STK32B: variants seen among roughly 807,000 people sequenced by gnomAD.
The protein encoded by STK32B is serine/threonine-protein kinase 32B.
STK32B carries 43 observed loss-of-function variants against 52.6 expected under a neutral mutation model. The observed-to-expected ratio is 0.82, with a 90% CI of 0.64 to 1.05. The LOEUF (loss-of-function observed/expected upper bound fraction) is 1.05, where lower values mean the gene tolerates loss of function less well. STK32B is among the 50% of genes least tolerant of loss of function. STK32B has a pLI of 0.00. For synonymous variants in STK32B, 238 were observed against 204.3 expected, an observed-to-expected ratio of 1.17 and a Z score of -1.41; for missense variants, 621 against 534.6, an observed-to-expected ratio of 1.16 and a Z score of -1.59.
At chr4:5,341,944 C>A (rs1356886726) in intron 4 of STK32B, among the ~76,000 whole-genome samples, 1 of 152,096 alleles carries the variant, frequency 6.6e-6, no homozygotes, top group Non-Finnish European at 1.5e-5. Flanking sequence ...GTGCTGCATC[C>A]ATTAACTCAT....
intron 11 of STK32B, among the ~76,000 whole-genome samples, chr4:5,478,521 G>C (rs1718410535): frequency 6.6e-6 from 1 of 152,124 alleles, no homozygotes; most frequent in Non-Finnish European, 1.5e-5. Context: ...TTGCCTACAA[G>C]GTAATCTCCC....
At chr4:5,409,551 T>G (rs778326313) in intron 5 of STK32B, among the ~76,000 whole-genome samples, 22 of 152,102 alleles carry the variant, frequency 1.4e-4, no homozygotes, top group Non-Finnish European at 2.8e-4. Context: ...GGAATAACAC[T>G]AAAAATTTCT....
intron 4 of STK32B, among the ~76,000 whole-genome samples, chr4:5,367,824 G>T (rs1261133904): frequency 6.6e-6 from 1 of 152,116 alleles, no homozygotes; most frequent in South Asian, 2.1e-4. Flanking sequence ...TTATATTCCA[G>T]AAAACTTTAA....
intron 3 of STK32B, among the ~76,000 whole-genome samples, chr4:5,296,414 T>C (rs566754846): frequency 6.6e-6 from 1 of 152,330 alleles, no homozygotes; most frequent in East Asian, 1.9e-4. Context: ...TTCATAGGTC[T>C]CTAAGAACTT....
intron 4 of STK32B, among the ~76,000 whole-genome samples, chr4:5,339,821 G>GA (rs1732956532): frequency 6.6e-6 from 1 of 152,126 alleles, no homozygotes; most frequent in African/African-American, 2.4e-5. Flanking sequence ...AATTTTATGA[G>GA]AAAATGTTCA....
chr4:5,397,106 A>G (rs1160805858), intron 4 of STK32B, among the ~76,000 whole-genome samples: 1 of 152,242 alleles, frequency 6.6e-6, no homozygotes, highest in South Asian at 2.1e-4. Flanking sequence ...ACAAATTACC[A>G]CAGTGTGTTT....
the STK32B span, among the ~76,000 whole-genome samples, chr4:5,043,668 G>A: frequency 6.6e-6 from 1 of 152,172 alleles, no homozygotes; most frequent in Non-Finnish European, 1.5e-5. Flanking sequence ...GCTACTCCTC[G>A]GAGTGCTGTC....
chr4:5,121,608 A>G (rs1715028268), intron 1 of STK32B, among the ~76,000 whole-genome samples: 1 of 152,216 alleles, frequency 6.6e-6, no homozygotes. Context: ...AGCAGGCATA[A>G]TTTGTTGAGC....
At chr4:5,187,197 G>A in intron 3 of STK32B, among the ~76,000 whole-genome samples, 1 of 152,192 alleles carries the variant, frequency 6.6e-6, no homozygotes, top group East Asian at 1.9e-4. Flanking sequence ...TGTGGGCTGT[G>A]TGTGGGGTAC....
chr4:5,326,398 G>C (rs1241226918), intron 3 of STK32B, among the ~76,000 whole-genome samples: 1 of 151,986 alleles, frequency 6.6e-6, no homozygotes, highest in East Asian at 1.9e-4. Context: ...AATAAAAACA[G>C]TCATTGCCCA....
intron 3 of STK32B, among the ~76,000 whole-genome samples, chr4:5,196,334 G>GTTTTTTTTTTT (rs35605834): frequency 1.4e-4 from 12 of 87,692 alleles, no homozygotes; most frequent in African/African-American, 4.7e-4. Flanking sequence ...TCTTTCTTCA[G>GTTTTTTTTTTT]TTTTTTTTTT....
intron 1 of STK32B, among the ~76,000 whole-genome samples, chr4:5,079,798 A>G (rs954230974): frequency 2.6e-5 from 4 of 152,294 alleles, no homozygotes; most frequent in African/African-American, 9.6e-5. Flanking sequence ...AGTCTGGACT[A>G]TTGCCATTTG....
chr4:5,320,658 C>A (rs1366425423), intron 3 of STK32B, among the ~76,000 whole-genome samples: 1 of 152,110 alleles, frequency 6.6e-6, no homozygotes, highest in African/African-American at 2.4e-5. Context: ...CAGGGATGTG[C>A]GTCTTAGACA....
At chr4:5,212,721 A>G (rs1336236423) in intron 3 of STK32B, among the ~76,000 whole-genome samples, 2 of 152,208 alleles carry the variant, frequency 1.3e-5, no homozygotes, top group Non-Finnish European at 2.9e-5. Context: ...TGAGGGTAGG[A>G]TGACATTTTA....
At chr4:5,123,813 G>A (rs1715202191) in intron 1 of STK32B, among the ~76,000 whole-genome samples, 1 of 150,272 alleles carries the variant, frequency 6.7e-6, no homozygotes, top group Non-Finnish European at 1.5e-5. Flanking sequence ...TGAGTTTTGG[G>A]GGGATACAAT....
chr4:5,139,024 C>A (rs902896003), intron 1 of STK32B, among the ~76,000 whole-genome samples: 3 of 152,084 alleles, frequency 2.0e-5, no homozygotes, highest in Non-Finnish European at 4.4e-5. Flanking sequence ...GCTCCTCACA[C>A]ATTTTCCTGA....
At chr4:5,157,763 T>G (rs1167752914) in intron 2 of STK32B, among the ~76,000 whole-genome samples, 3 of 152,166 alleles carry the variant, frequency 2.0e-5, no homozygotes, top group Non-Finnish European at 4.4e-5. Flanking sequence ...TTAAACAGTT[T>G]TGACTGCAAA....
At chr4:5,463,261 A>T (rs1717173375) in intron 9 of STK32B, among the ~76,000 whole-genome samples, 1 of 152,236 alleles carries the variant, frequency 6.6e-6, no homozygotes, top group African/African-American at 2.4e-5. Context: ...CACATCAGGC[A>T]CAAATTGCCT....
At chr4:5,230,396 G>C (rs111790319) in intron 3 of STK32B, among the ~76,000 whole-genome samples, 1 of 151,640 alleles carries the variant, frequency 6.6e-6, no homozygotes, top group Non-Finnish European at 1.5e-5. Context: ...CACCATATTA[G>C]CCAGGCTGGT....
Sources: allele counts gnomAD v4.1 joint callset (sites outside exome capture counted in the v4.1 genomes callset), GRCh38; gene constraint gnomAD v4.1.1; transcripts MANE v1.5; gene names NCBI Gene and HGNC (gene_info 2026-07-23, HGNC 2026-07-21).